GRAP2: variants seen among roughly 807,000 people sequenced by gnomAD.
GRAP2 encodes GRB2-related adapter protein 2.
Under a neutral mutation model 43.5 loss-of-function variants are expected in GRAP2, and 31 were observed. The ratio of observed to expected loss-of-function variants is 0.71; its 90% CI spans 0.54 to 0.96. GRAP2 has a LOEUF of 0.96. GRAP2 is among the 40% of genes least tolerant of loss of function. The pLI is 0.00. For missense variants in GRAP2, 371 were observed against 424.4 expected, an observed-to-expected ratio of 0.87 and a Z score of 1.11; for synonymous variants, 156 against 164.8, an observed-to-expected ratio of 0.95 and a Z score of 0.41.
intron 1 of GRAP2, among the ~76,000 whole-genome samples, chr22:39,939,578 A>AAG (rs1389241192): frequency 3.3e-5 from 5 of 150,522 alleles, no homozygotes; most frequent in Admixed American, 2.0e-4. Flanking sequence ...AAAAAAAAAA[A>AAG]AAAAGAAATG....
chr22:39,934,212 AC>A (rs1361531917), intron 1 of GRAP2, among the ~76,000 whole-genome samples: 1 of 152,198 alleles, frequency 6.6e-6, no homozygotes, highest in Non-Finnish European at 1.5e-5. Flanking sequence ...TTTGCATGAC[AC>A]CCTACAGAGC....
At chr22:39,918,856 T>A (rs1028006354) in intron 1 of GRAP2, among the ~76,000 whole-genome samples, 2 of 152,244 alleles carry the variant, frequency 1.3e-5, no homozygotes, top group South Asian at 4.1e-4. Flanking sequence ...TAAAAGAGGT[T>A]AAGACAAATA....
chr22:39,914,285 T>C (rs2066587599), intron 1 of GRAP2, among the ~76,000 whole-genome samples: 1 of 152,172 alleles, frequency 6.6e-6, no homozygotes, highest in African/African-American at 2.4e-5. Context: ...ACTTATAGTC[T>C]AGTTGGAGCA....
At chr22:39,935,709 G>GA (rs927532304) in intron 1 of GRAP2, among the ~76,000 whole-genome samples, 1 of 152,120 alleles carries the variant, frequency 6.6e-6, no homozygotes, top group African/African-American at 2.4e-5. Flanking sequence ...TCAGTGAGCT[G>GA]AAAAAATGAC....
chr22:39,965,331 C>A (rs2067161197), intron 4 of GRAP2, among the ~76,000 whole-genome samples: 1 of 152,140 alleles, frequency 6.6e-6, no homozygotes, highest in African/African-American at 2.4e-5. Context: ...AGAGATCACA[C>A]CACTGCACTC....
At chr22:39,970,211 G>A (rs1411234578) in intron 7 of GRAP2, among the ~76,000 whole-genome samples, 1 of 152,118 alleles carries the variant, frequency 6.6e-6, no homozygotes, top group Non-Finnish European at 1.5e-5. Flanking sequence ...AAACTCCTAG[G>A]CTCAAGCGAT....
At chr22:39,901,423 A>G in intron 1 of GRAP2, 93 bp downstream of exon 1, 7 of 450,280 alleles carry the variant, frequency 1.6e-5, no homozygotes, top group South Asian at 1.2e-4. Flanking sequence ...ATTAAAATGA[A>G]TCTCACTAGT....
chr22:39,916,232 T>TC (rs1453033518), intron 1 of GRAP2, among the ~76,000 whole-genome samples: 2 of 152,158 alleles, frequency 1.3e-5, no homozygotes, highest in African/African-American at 4.8e-5. Context: ...CACAGCCCCC[T>TC]CCCCCAACAG....
chr22:39,928,147 T>C (rs1297892433), intron 1 of GRAP2, among the ~76,000 whole-genome samples: 2 of 152,234 alleles, frequency 1.3e-5, no homozygotes, highest in Non-Finnish European at 2.9e-5. Flanking sequence ...TTTCCTTTGC[T>C]TTCCAAATCT....
At chr22:39,953,335 A>G (rs1252804632) in intron 2 of GRAP2, among the ~76,000 whole-genome samples, 1 of 151,986 alleles carries the variant, frequency 6.6e-6, no homozygotes, top group Non-Finnish European at 1.5e-5. Context: ...TGTATCTTCT[A>G]TTTCTGTAAA....
chr22:39,903,475 CTTTT>C (rs773691306), intron 1 of GRAP2, among the ~76,000 whole-genome samples: 4 of 112,040 alleles, frequency 3.6e-5, no homozygotes, highest in Admixed American at 9.8e-5. Context: ...CCTCATGAGT[CTTTT>C]TTTTTTTTTT....
intron 2 of GRAP2, among the ~76,000 whole-genome samples, chr22:39,948,952 T>C (rs558084740): frequency 3.9e-5 from 6 of 152,332 alleles, no homozygotes; most frequent in Admixed American, 3.3e-4. Flanking sequence ...TTCTGATTTT[T>C]CTTCTCACTC....
chr22:39,921,590 AC>A (rs2066652933), intron 1 of GRAP2, among the ~76,000 whole-genome samples: 1 of 152,166 alleles, frequency 6.6e-6, no homozygotes, highest in African/African-American at 2.4e-5. Flanking sequence ...TTTATTAAAA[AC>A]CATTATTAAG....
Position 39,956,636 on chromosome 22 carries a change from C to CTTTTTTTTTTTTTTTT in GRAP2, c.170+730_170+731insTTTTTTTTTTTTTTTT. ...GGTGCATGCCACCACACCCAGCTAA[C>CTTTTTTTTTTTTTTTT]TTTTGTATTTTTAGTAGAGATGGGG... On this transcript the variant is annotated intron_variant, in intron 3 of 7. Transcript: ENST00000344138. Among the ~76,000 whole-genome samples, 4 of 151,048 alleles carry CTTTTTTTTTTTTTTTT rather than the reference C, an allele frequency of 2.6e-5. No homozygotes were observed. The East Asian group carries it at 6.2e-4, about 23-fold the overall frequency.
chr22:39,946,008 G>A (rs56008460), intron 1 of GRAP2, among the ~76,000 whole-genome samples: 91 of 152,214 alleles, frequency 6.0e-4, no homozygotes, highest in Middle Eastern at 3.4e-3. Context: ...TTACAGGCAC[G>A]TGCCACGGCA....
intron 1 of GRAP2, among the ~76,000 whole-genome samples, chr22:39,946,124 G>A (rs1484994196): frequency 2.0e-5 from 3 of 152,226 alleles, no homozygotes; most frequent in Non-Finnish European, 4.4e-5. Flanking sequence ...ACCTCCCAAA[G>A]TGCTGGGATT....
intron 4 of GRAP2, chr22:39,964,259 C>T: frequency 1.6e-6 from 1 of 615,162 alleles, no homozygotes; most frequent in South Asian, 2.0e-5. Context: ...TCCATTTTCT[C>T]TAGCCCTGGT....
intron 1 of GRAP2, among the ~76,000 whole-genome samples, chr22:39,906,109 A>G (rs546854925): frequency 6.6e-6 from 1 of 152,170 alleles, no homozygotes; most frequent in South Asian, 2.1e-4. Flanking sequence ...GAAAGGAACA[A>G]TACAAGCGGG....
Position 39,968,224 on chromosome 22 carries a change from G to A in GRAP2, c.642G>A (p.Leu214=). The A allele has an allele frequency of 6.2e-7, 1 of 1,608,430 alleles. No homozygotes were observed. The highest frequency in any genetic ancestry group is 8.5e-7 in the Non-Finnish European group (1 of 1,175,054). ...AATATGCCCCAGCGCCCCAGCAGCTGCAGCAGCCCCCACAGCAGCGATATC... is the reference window on the plus strand; with the variant it reads ...AATATGCCCCAGCGCCCCAGCAGCTACAGCAGCCCCCACAGCAGCGATATC... ...PPQYAPAPQQ[L]QQPPQQRYLQ... The change falls in exon 6 of 8, where the codon CTG becomes CTA. Residue 214 remains leucine (L), a synonymous_variant. Coordinates refer to ENST00000344138, the MANE Select transcript of GRAP2 (RefSeq NM_004810.4).
Sources: gnomAD v4.1 joint callset for allele counts (sites outside exome capture counted in the v4.1 genomes callset) on GRCh38, gnomAD v4.1.1 for gene constraint, MANE v1.5 for transcripts, NCBI Gene and HGNC (gene_info 2026-07-23, HGNC 2026-07-21) for gene names.